Variants in FBXL13 observed in about 807,000 individuals in gnomAD.
The protein encoded by FBXL13 is F-box and leucine-rich repeat protein 13.
A neutral mutation model predicts 83.6 loss-of-function variants in FBXL13; 67 were observed. The ratio of observed to expected loss-of-function variants is 0.80; its 90% CI spans 0.66 to 0.98. FBXL13 has a LOEUF of 0.98. Ranked by LOEUF, FBXL13 falls within the 50% of genes least tolerant of loss-of-function variation. The probability of loss-of-function intolerance (pLI) is 0.00; values close to 1 mark genes in which losing one functional copy is unlikely to be tolerated. For synonymous variants in FBXL13, 272 were observed against 299.5 expected, an observed-to-expected ratio of 0.91 and a Z score of 0.95; for missense variants, 822 against 866.5, an observed-to-expected ratio of 0.95 and a Z score of 0.64.
intron 18 of FBXL13, chr7:102,827,078 T>C: frequency 2.3e-6 from 1 of 438,674 alleles, no homozygotes; most frequent in Non-Finnish European, 4.7e-6. Flanking sequence ...CCTTGTGACT[T>C]GCTTTGACCA....
chr7:102,852,238 T>G (rs1369976279), intron 17 of FBXL13, among the ~76,000 whole-genome samples: 1 of 152,166 alleles, frequency 6.6e-6, no homozygotes, highest in East Asian at 1.9e-4. Context: ...ACTAAGAGCC[T>G]GGAGGTGAAC....
chr7:102,996,425 G>A (rs1789796147), intron 6 of FBXL13, among the ~76,000 whole-genome samples: 1 of 152,176 alleles, frequency 6.6e-6, no homozygotes, highest in African/African-American at 2.4e-5. Context: ...TATCTGCTGT[G>A]ATTGTTCCTT....
intron 11 of FBXL13, among the ~76,000 whole-genome samples, chr7:102,899,907 C>T (rs1812751651): frequency 6.6e-6 from 1 of 151,770 alleles, no homozygotes; most frequent in Non-Finnish European, 1.5e-5. Context: ...ATTAGCTGGG[C>T]GTGGTGGTGC....
intron 6 of FBXL13, among the ~76,000 whole-genome samples, chr7:103,019,244 A>C (rs2129487457): frequency 6.6e-6 from 1 of 152,356 alleles, no homozygotes; most frequent in Middle Eastern, 3.4e-3. Context: ...AATGAAATGA[A>C]GGCAGAAACA....
At chr7:102,961,224 TC>T (rs1181503660) in intron 8 of FBXL13, among the ~76,000 whole-genome samples, 1 of 146,768 alleles carries the variant, frequency 6.8e-6, no homozygotes, top group African/African-American at 2.5e-5. Context: ...ATGAGTGAAC[TC>T]CCATTCACAA....
chr7:102,973,371 G>C (rs1826981986), intron 6 of FBXL13: 2 of 675,720 alleles, frequency 3.0e-6, no homozygotes, highest in East Asian at 2.8e-5. Flanking sequence ...CTGGCCGGAA[G>C]ACACGTACCC....
Position 102,943,821 on chromosome 7 carries a change from T to G in FBXL13, c.725-11888A>C, listed in dbSNP as rs140402997. Among the ~76,000 whole-genome samples the G allele has an allele frequency of 2.0e-4, 31 of 152,336 alleles. No homozygotes were observed. In the East Asian group the frequency reaches 5.8e-3, roughly 28 times the overall value. On this transcript the variant is annotated intron_variant, in intron 8 of 19. Transcript: ENST00000313221. Reference sequence around the variant, plus strand: ...AAATGGAGTGACCATCTGTGTTAGCTTATTGGCCTTATTCAGAGAAAAATA... The same window carrying G: ...AAATGGAGTGACCATCTGTGTTAGCGTATTGGCCTTATTCAGAGAAAAATA...
intron 2 of FBXL13, chr7:103,046,747 A>C (rs1796324749): frequency 6.6e-6 from 1 of 152,214 alleles, no homozygotes; most frequent in Admixed American, 6.5e-5. Context: ...GATCTCGGGA[A>C]AAGCTGTTTA....
intron 1 of FBXL13, among the ~76,000 whole-genome samples, chr7:103,065,183 C>T (rs1368951238): frequency 2.0e-5 from 3 of 152,114 alleles, no homozygotes; most frequent in African/African-American, 7.2e-5. Flanking sequence ...AAAAAAAAGC[C>T]TAGCCATAAC....
intron 1 of FBXL13, among the ~76,000 whole-genome samples, chr7:103,056,446 T>C (rs907871135): frequency 6.6e-6 from 1 of 152,102 alleles, no homozygotes; most frequent in Non-Finnish European, 1.5e-5. Flanking sequence ...TTAAGGACTC[T>C]CCACACTGTT....
At chr7:102,944,439 A>C (rs1207913411) in intron 8 of FBXL13, 3 of 1,614,086 alleles carry the variant, frequency 1.9e-6, no homozygotes, top group Non-Finnish European at 2.5e-6. Flanking sequence ...AATACAAAGG[A>C]TGGTCTGTGG....
intron 10 of FBXL13, 28 bp from the exon 12 acceptor site, chr7:102,913,243 G>A (rs1563081224): frequency 6.2e-7 from 1 of 1,612,792 alleles, no homozygotes; most frequent in East Asian, 2.2e-5. Flanking sequence ...AGGAAGGAAA[G>A]TATTATACTT....
intron 1 of FBXL13, among the ~76,000 whole-genome samples, chr7:103,063,369 G>A (rs1267288029): frequency 6.6e-6 from 1 of 152,118 alleles, no homozygotes; most frequent in Non-Finnish European, 1.5e-5. Context: ...GTAATCTAAA[G>A]ATGATTTAAA....
At chr7:102,956,483 A>G (rs1824291267) in intron 8 of FBXL13, among the ~76,000 whole-genome samples, 2 of 152,302 alleles carry the variant, frequency 1.3e-5, no homozygotes, top group East Asian at 3.9e-4. Flanking sequence ...CGAGGCAAGG[A>G]TGTCCTCTCT....
At chr7:102,973,693 C>T (rs750546504) in intron 6 of FBXL13, 4 of 766,444 alleles carry the variant, frequency 5.2e-6, no homozygotes, top group Non-Finnish European at 7.2e-6. Flanking sequence ...AAGCAGGCCA[C>T]AGCAGCCGGA....
intron 2 of FBXL13, among the ~76,000 whole-genome samples, chr7:103,048,673 A>G (rs141727416): frequency 0.011 from 1,675 of 152,240 alleles, 35 homozygotes; most frequent in African/African-American, 0.039. Flanking sequence ...AGAAAACCCT[A>G]TTATGCTTTT....
intron 1 of FBXL13, among the ~76,000 whole-genome samples, chr7:103,059,476 A>G (rs895810953): frequency 1.3e-5 from 2 of 152,230 alleles, no homozygotes; most frequent in African/African-American, 4.8e-5. Flanking sequence ...CTTTATTGTA[A>G]GCAGAAGCAA....
At chr7:102,871,274 A>G (rs1808492453) in intron 16 of FBXL13, among the ~76,000 whole-genome samples, 1 of 152,042 alleles carries the variant, frequency 6.6e-6, no homozygotes, top group Non-Finnish European at 1.5e-5. Flanking sequence ...TTCTAACTCA[A>G]TCTGATAAAA....
In FBXL13 at chr7:102,994,645, C is replaced by T. The variant is rs867349593; in HGVS notation, c.496-26528G>A. Among the ~76,000 whole-genome samples, 12 of 152,278 alleles carry T rather than the reference C, an allele frequency of 7.9e-5. 1 individual carries two copies. The Middle Eastern group carries it at 0.01, about 129-fold the overall frequency. On this transcript the variant is annotated intron_variant, in intron 6 of 19. Coordinates refer to ENST00000313221, the Ensembl canonical transcript of FBXL13. ...TACATTAAAGAAAAAAGGAGGGTTT[C>T]GCTTTTATAGTTAAAATTCCCACCC... is the stretch of plus-strand genomic sequence containing the variant.
Sources: gnomAD v4.1 joint callset for allele counts (sites outside exome capture counted in the v4.1 genomes callset) on GRCh38, gnomAD v4.1.1 for gene constraint, MANE v1.5 for transcripts, NCBI Gene and HGNC (gene_info 2026-07-23, HGNC 2026-07-21) for gene names.